MACROD2: variants seen among roughly 807,000 people sequenced by gnomAD.
MACROD2 encodes the protein ADP-ribose glycohydrolase MACROD2.
Under a neutral mutation model 70.4 loss-of-function variants are expected in MACROD2, and 36 were observed. The observed-to-expected ratio is 0.51, with a 90% CI of 0.39 to 0.68. The LOEUF is 0.68. Among genes scored for constraint, MACROD2 ranks in the 30% least tolerant of loss-of-function variants. MACROD2 has a pLI of 0.00. For synonymous variants in MACROD2, 172 were observed against 178.8 expected (o/e 0.96, Z 0.30); for missense variants, 496 against 538.4 (o/e 0.92, Z 0.78).
At chr20:15,271,397 T>G (rs1286190377) in intron 6 of MACROD2, among the ~76,000 whole-genome samples, 1 of 152,158 alleles carries the variant, frequency 6.6e-6, no homozygotes, top group African/African-American at 2.4e-5. Flanking sequence ...ACTTGGCGAT[T>G]AAGTTTCAAC....
chr20:15,781,609 A>G (rs2147039042), intron 8 of MACROD2, among the ~76,000 whole-genome samples: 1 of 152,242 alleles, frequency 6.6e-6, no homozygotes, highest in Non-Finnish European at 1.5e-5. Context: ...GTGCCCTTCA[A>G]ATACTGTCTG....
In MACROD2 at chr20:15,571,154, C is replaced by T. The variant is rs16996021; in HGVS notation, c.645+71307C>T. ...TAGGTCAATACAGAAATACTTTTTA[C>T]TGAAGCCACTATTTTATTTTTAACA... On this transcript the variant is annotated intron_variant, in intron 8 of 17. Coordinates refer to ENST00000684519, the MANE Select transcript of MACROD2 (RefSeq NM_001351661.2). Among the ~76,000 whole-genome samples the T allele has an allele frequency of 1.7e-3, 252 of 152,230 alleles. 7 individuals are homozygous for T. In the East Asian group the frequency reaches 0.045, roughly 27 times the overall value.
chr20:15,965,447 T>A (rs566902650), intron 12 of MACROD2, among the ~76,000 whole-genome samples: 1 of 152,290 alleles, frequency 6.6e-6, no homozygotes, highest in East Asian at 1.9e-4. Flanking sequence ...TTGGGCAGAA[T>A]CATAATGTTT....
intron 5 of MACROD2, among the ~76,000 whole-genome samples, chr20:15,168,130 G>T (rs539336586): frequency 6.6e-6 from 1 of 152,178 alleles, no homozygotes; most frequent in Admixed American, 6.5e-5. Context: ...TATGTTACTA[G>T]CAAAGCTCCT....
At chr20:14,742,924 G>T (rs2071751571) in intron 5 of MACROD2, among the ~76,000 whole-genome samples, 1 of 150,708 alleles carries the variant, frequency 6.6e-6, no homozygotes, top group Admixed American at 6.6e-5. Context: ...CCGCCACTAT[G>T]CCCGGCTAAT....
chr20:15,621,665 T>C (rs1359310011), intron 8 of MACROD2, among the ~76,000 whole-genome samples: 1 of 152,206 alleles, frequency 6.6e-6, no homozygotes, highest in Non-Finnish European at 1.5e-5. Flanking sequence ...TCCTGATGTC[T>C]TTGGAATTTG....
At position 14,255,427 on chromosome 20, in the gene MACROD2, C is replaced by T. The variant is rs370942040; in HGVS notation, c.271+169699C>T. Reference sequence around the variant, plus strand: ...GAAACCATCATTCTCAGCAAACTATCGCAGGGACAAAAAAACCAAACACCG... The same window carrying T: ...GAAACCATCATTCTCAGCAAACTATTGCAGGGACAAAAAAACCAAACACCG... On this transcript the variant is annotated intron_variant, in intron 3 of 17. Transcript: ENST00000684519. Among the ~76,000 whole-genome samples, 29 of 151,766 alleles carry T rather than the reference C, an allele frequency of 1.9e-4. No individual in the cohort carries two copies. The South Asian group carries it at 2.7e-3, about 14-fold the overall frequency.
At chr20:14,765,814 C>A (rs375101203) in intron 5 of MACROD2, among the ~76,000 whole-genome samples, 12 of 152,070 alleles carry the variant, frequency 7.9e-5, no homozygotes, top group African/African-American at 2.4e-4. Context: ...GTCACTATTG[C>A]GTGGAGGCTC....
chr20:15,986,885 G>T, intron 14 of MACROD2, 84 bp downstream of exon 14: 1 of 1,104,910 alleles, frequency 9.1e-7, no homozygotes, highest in Admixed American at 1.9e-5. Flanking sequence ...GTGTGTGCGT[G>T]GTGTGTGTGT....
intron 5 of MACROD2, among the ~76,000 whole-genome samples, chr20:14,967,119 A>G (rs553470870): frequency 5.3e-5 from 8 of 152,308 alleles, no homozygotes; most frequent in African/African-American, 1.9e-4. Context: ...AGCCATTTGA[A>G]TCTTTTTTTG....
chr20:15,950,358 G>A (rs2065887092), intron 12 of MACROD2, among the ~76,000 whole-genome samples: 1 of 152,124 alleles, frequency 6.6e-6, no homozygotes, highest in African/African-American at 2.4e-5. Context: ...ACAGCAGCAG[G>A]ACTCTCATAG....
chr20:15,498,577 G>A (rs749861054), intron 7 of MACROD2, among the ~76,000 whole-genome samples: 5 of 152,156 alleles, frequency 3.3e-5, no homozygotes, highest in African/African-American at 9.7e-5. Context: ...AGAATAAGAC[G>A]TGGAAGAAGG....
At chr20:14,073,558 T>C (rs2053878306) in intron 2 of MACROD2, among the ~76,000 whole-genome samples, 1 of 152,194 alleles carries the variant, frequency 6.6e-6, no homozygotes, top group East Asian at 1.9e-4. Flanking sequence ...TGCATTTATA[T>C]GGACAATAAT....
intron 8 of MACROD2, among the ~76,000 whole-genome samples, chr20:15,516,712 C>T (rs139024577): frequency 5.2e-4 from 79 of 152,272 alleles, no homozygotes; most frequent in African/African-American, 1.8e-3. Flanking sequence ...ATCCTCGGTC[C>T]ACAGACTCAA....
chr20:14,711,181 C>G (rs2071334279), intron 5 of MACROD2, among the ~76,000 whole-genome samples: 1 of 152,128 alleles, frequency 6.6e-6, no homozygotes, highest in South Asian at 2.1e-4. Flanking sequence ...GAGTTTTCTT[C>G]CTGGATTTTT....
chr20:14,946,960 A>G (rs544601908), intron 5 of MACROD2, among the ~76,000 whole-genome samples: 3 of 152,292 alleles, frequency 2.0e-5, no homozygotes, highest in East Asian at 1.9e-4. Flanking sequence ...ATACACATAT[A>G]TATTTTGGTG....
chr20:15,433,459 C>CAAAAAAAAAAAAAAAAAA (rs60298297), intron 7 of MACROD2, among the ~76,000 whole-genome samples: 6 of 88,280 alleles, frequency 6.8e-5, no homozygotes, highest in South Asian at 3.4e-4. Flanking sequence ...ACAAGAGCTG[C>CAAAAAAAAAAAAAAAAAA]AAAAAAAAAA....
chr20:15,958,561 C>T (rs6043638), intron 12 of MACROD2, among the ~76,000 whole-genome samples: 144,098 of 152,214 alleles, frequency 0.95, 68,580 homozygotes, highest in East Asian at 1. Flanking sequence ...ATTCTGAGGC[C>T]TTCTTCTGAT....
chr20:15,443,180 G>A (rs1382593079), intron 7 of MACROD2, among the ~76,000 whole-genome samples: 1 of 152,096 alleles, frequency 6.6e-6, no homozygotes, highest in African/African-American at 2.4e-5. Context: ...AGGCTGTGGG[G>A]CCACAGTCAT....
Sources: allele counts gnomAD v4.1 joint callset (sites outside exome capture counted in the v4.1 genomes callset), GRCh38; gene constraint gnomAD v4.1.1; transcripts MANE v1.5; gene names NCBI Gene and HGNC (gene_info 2026-07-23, HGNC 2026-07-21).